The following AGBL4 variants were observed in gnomAD, a reference collection of about 807,000 sequenced individuals.
AGBL4 encodes cytosolic carboxypeptidase 6.
AGBL4 carries 58 observed loss-of-function variants against 66.4 expected under a neutral mutation model. The ratio of observed to expected loss-of-function variants is 0.87; its 90% CI spans 0.71 to 1.09. The LOEUF (loss-of-function observed/expected upper bound fraction) is 1.09, where lower values mean the gene tolerates loss of function less well. Ranked by LOEUF, AGBL4 falls within the 50% of genes least tolerant of loss-of-function variation. The pLI, the probability that AGBL4 is intolerant of heterozygous loss-of-function variation, is 0.00. For synonymous variants in AGBL4, 234 were observed against 222.9 expected (o/e 1.05, Z -0.44); for missense variants, 579 against 631.0 (o/e 0.92, Z 0.88).
intron 3 of AGBL4, among the ~76,000 whole-genome samples, chr1:49,503,412 C>T (rs763116331): frequency 1.3e-5 from 2 of 152,158 alleles, no homozygotes; most frequent in Admixed American, 1.3e-4. Flanking sequence ...AGCCCCCACA[C>T]AGAGTCCTCA....
At chr1:48,754,102 T>C (rs1380184832) in intron 6 of AGBL4, among the ~76,000 whole-genome samples, 2 of 152,172 alleles carry the variant, frequency 1.3e-5, no homozygotes, top group African/African-American at 2.4e-5. Flanking sequence ...CACACCACAA[T>C]GAATTATACT....
intron 2 of AGBL4, among the ~76,000 whole-genome samples, chr1:49,791,439 A>G (rs1341762733): frequency 6.6e-6 from 1 of 152,046 alleles, no homozygotes; most frequent in Non-Finnish European, 1.5e-5. Context: ...CACCTTCCAT[A>G]TAGTATTGTC....
chr1:48,557,255 A>G (rs1050922929), intron 11 of AGBL4, among the ~76,000 whole-genome samples: 1 of 152,220 alleles, frequency 6.6e-6, no homozygotes, highest in Non-Finnish European at 1.5e-5. Context: ...AGGTATTTAC[A>G]TTAGCTTCCA....
At chr1:49,790,363 C>CAAAA (rs11313463) in intron 2 of AGBL4, among the ~76,000 whole-genome samples, 2 of 98,984 alleles carry the variant, frequency 2.0e-5, no homozygotes, top group African/African-American at 4.0e-5. Flanking sequence ...GATTCTATCT[C>CAAAA]AAAAAAAAAA....
chr1:49,404,158 G>T (rs1232860924), intron 3 of AGBL4, among the ~76,000 whole-genome samples: 1 of 152,120 alleles, frequency 6.6e-6, no homozygotes, highest in African/African-American at 2.4e-5. Context: ...CCAACCCCTA[G>T]TGATGCTGTA....
chr1:49,049,142 C>G (rs1644150448), intron 4 of AGBL4, among the ~76,000 whole-genome samples: 1 of 152,118 alleles, frequency 6.6e-6, no homozygotes, highest in Admixed American at 6.6e-5. Context: ...ACTCATAACT[C>G]CCTAACACAA....
At chr1:48,784,492 A>C (rs1033846183) in intron 6 of AGBL4, among the ~76,000 whole-genome samples, 1 of 152,238 alleles carries the variant, frequency 6.6e-6, no homozygotes, top group African/African-American at 2.4e-5. Context: ...AGAGCCTCTG[A>C]GGCCACAGGG....
At chr1:49,921,701 G>A (rs958475958) in intron 1 of AGBL4, among the ~76,000 whole-genome samples, 4 of 152,188 alleles carry the variant, frequency 2.6e-5, no homozygotes, top group African/African-American at 9.6e-5. Flanking sequence ...GAAGAAGCTG[G>A]AATCTGATGT....
chr1:48,709,381 T>C (rs999641841), intron 6 of AGBL4, among the ~76,000 whole-genome samples: 1 of 152,182 alleles, frequency 6.6e-6, no homozygotes, highest in Non-Finnish European at 1.5e-5. Context: ...TGTGAGTGTG[T>C]GTATACAACA....
At chr1:49,263,888 C>T (rs1653476551) in intron 3 of AGBL4, among the ~76,000 whole-genome samples, 1 of 152,028 alleles carries the variant, frequency 6.6e-6, no homozygotes, top group Non-Finnish European at 1.5e-5. Flanking sequence ...GTAACTAAAA[C>T]CGCTTAATTT....
intron 5 of AGBL4, among the ~76,000 whole-genome samples, chr1:49,016,446 G>A (rs1264698596): frequency 6.6e-6 from 1 of 152,210 alleles, no homozygotes; most frequent in Non-Finnish European, 1.5e-5. Context: ...AAAGGCCCTG[G>A]GAAGGCAGAC....
At chr1:49,357,756 G>C (rs145685569) in intron 3 of AGBL4, among the ~76,000 whole-genome samples, 84 of 152,242 alleles carry the variant, frequency 5.5e-4, no homozygotes, top group Non-Finnish European at 8.8e-4. Flanking sequence ...AACTTCTTTA[G>C]AGTATTCGTG....
chr1:49,684,326 T>C (rs1646749248), intron 3 of AGBL4, among the ~76,000 whole-genome samples: 1 of 152,204 alleles, frequency 6.6e-6, no homozygotes, highest in Admixed American at 6.5e-5. Context: ...CTGTTTCTGG[T>C]ACCCAGTTTC....
chr1:49,845,338 G>T (rs1158059068), intron 2 of AGBL4: 5 of 1,472,800 alleles, frequency 3.4e-6, no homozygotes, highest in Non-Finnish European at 3.8e-6. Context: ...TGAGTGCAGT[G>T]TATGTGGGAA....
chr1:49,983,437 C>A (rs1436018036), intron 1 of AGBL4, among the ~76,000 whole-genome samples: 2 of 152,220 alleles, frequency 1.3e-5, no homozygotes, highest in Non-Finnish European at 2.9e-5. Flanking sequence ...AGTGGTGGGA[C>A]CCCATGCTCA....
intron 4 of AGBL4, among the ~76,000 whole-genome samples, chr1:49,131,862 G>A (rs1240290776): frequency 1.3e-5 from 2 of 152,022 alleles, no homozygotes; most frequent in African/African-American, 4.8e-5. Flanking sequence ...TATGGGGGAT[G>A]ATAATAACTC....
rs370206149 is a variant in AGBL4 at position 49,957,865 on chromosome 1, G to A, written c.34+65898C>T. Among the ~76,000 whole-genome samples, 845 of 151,982 alleles carry A rather than the reference G, an allele frequency of 5.6e-3. 3 individuals carry two copies. Among genetic ancestry groups the A allele is most frequent in the Non-Finnish European group, 9.0e-3 (614 of 67,926 alleles). ...GAGCATTTAGCCCATTTACATTTAA[G>A]GTTAATATTGTTATGTGTGAATTTG... On this transcript the variant is annotated intron_variant, in intron 1 of 13. Coordinates refer to ENST00000371839, the MANE Select transcript of AGBL4 (RefSeq NM_032785.4).
intron 3 of AGBL4, among the ~76,000 whole-genome samples, chr1:49,358,377 G>A (rs1644063829): frequency 1.3e-5 from 2 of 151,946 alleles, no homozygotes; most frequent in Admixed American, 1.3e-4. Flanking sequence ...CTCTCGTGTA[G>A]GCATGGAGCT....
intron 3 of AGBL4, among the ~76,000 whole-genome samples, chr1:49,407,471 G>A (rs1354583329): frequency 6.6e-6 from 1 of 152,138 alleles, no homozygotes; most frequent in Admixed American, 6.5e-5. Flanking sequence ...CCATCATCAC[G>A]TGAGCCAATT....
Sources: allele counts gnomAD v4.1 joint callset (sites outside exome capture counted in the v4.1 genomes callset), GRCh38; gene constraint gnomAD v4.1.1; transcripts MANE v1.5; gene names NCBI Gene and HGNC (gene_info 2026-07-23, HGNC 2026-07-21).